Variants in PPP1R13B observed in about 807,000 individuals in gnomAD.
The protein encoded by PPP1R13B is protein phosphatase 1 regulatory subunit 13B, also known as apoptosis-stimulating of p53 protein 1.
PPP1R13B carries 44 observed loss-of-function variants against 119.8 expected under a neutral mutation model. The observed-to-expected ratio is 0.37, with a 90% confidence interval of 0.29 to 0.47. The LOEUF (loss-of-function observed/expected upper bound fraction) is 0.47, where lower values mean the gene tolerates loss of function less well. PPP1R13B is among the 20% of genes least tolerant of loss of function. The pLI is 0.99. For missense variants in PPP1R13B, 1,227 were observed against 1,413.5 expected (o/e 0.87, Z 2.12); for synonymous variants, 542 against 561.5 (o/e 0.97, Z 0.49).
intron 1 of PPP1R13B, among the ~76,000 whole-genome samples, chr14:103,827,371 G>A (rs1288179465): frequency 6.6e-6 from 1 of 152,016 alleles, no homozygotes; most frequent in African/African-American, 2.4e-5. Flanking sequence ...GGTGGAGAGT[G>A]GAATGTGAAA....
intron 1 of PPP1R13B, among the ~76,000 whole-genome samples, chr14:103,846,478 C>T (rs954711526): frequency 6.6e-6 from 1 of 152,206 alleles, no homozygotes; most frequent in African/African-American, 2.4e-5. Flanking sequence ...ATTTTACTTA[C>T]GATATAGGCG....
rs772002409 is a variant in PPP1R13B, at chr14:103,757,061, C to CT, written c.456+588dup. Among the ~76,000 whole-genome samples, 459 of 142,434 alleles carry CT rather than the reference C, an allele frequency of 3.2e-3. 1 individual carries two copies. Among genetic ancestry groups the CT allele is most frequent in the Non-Finnish European group, 5.1e-3 (328 of 64,662 alleles). 93.4% of individuals were successfully genotyped at this position (142,434 alleles called of 152,430 possible). On this transcript the variant is annotated intron_variant, in intron 5 of 16. Coordinates refer to ENST00000202556, the MANE Select transcript of PPP1R13B (RefSeq NM_015316.3). ...ACAGGAGTGAGCCACTGCACCCAGC[C>CT]TTTTTTTTTTTTTTTAATACAGGGT...
At chr14:103,826,171 T>C (rs1177482424) in intron 1 of PPP1R13B, among the ~76,000 whole-genome samples, 4 of 152,058 alleles carry the variant, frequency 2.6e-5, no homozygotes, top group African/African-American at 9.7e-5. Flanking sequence ...GCCACCACAC[T>C]CGGCCAAACA....
At position 103,768,280 on chromosome 14, in the gene PPP1R13B, T is replaced by A. The variant is rs1465456699; in HGVS notation, c.354+10465A>T. Among the ~76,000 whole-genome samples, 3 of 150,960 alleles carry A rather than the reference T, an allele frequency of 2.0e-5. No homozygotes were observed. The East Asian group carries it at 5.9e-4, about 30-fold the overall frequency. ...ACAGGCACCCATCACCACGCCCAGC[T>A]AATTTTTGTATTTTTATTATTATTA... On this transcript the variant is annotated intron_variant, in intron 4 of 16. Coordinates refer to ENST00000202556, the MANE Select transcript of PPP1R13B (RefSeq NM_015316.3).
At chr14:103,752,974 C>G (rs1299986380) in intron 7 of PPP1R13B, 26 bp downstream of exon 7, 10 of 1,599,356 alleles carry the variant, frequency 6.3e-6, no homozygotes, top group Non-Finnish European at 6.8e-6. Flanking sequence ...TGTTTTAATA[C>G]AACCATTGCC....
At chr14:103,787,755 G>A (rs1345659152) in intron 2 of PPP1R13B, among the ~76,000 whole-genome samples, 6 of 148,786 alleles carry the variant, frequency 4.0e-5, no homozygotes, top group East Asian at 2.0e-4. Context: ...CGGGTTTTAC[G>A]CCATTCTCCT....
chr14:103,771,552 C>T (rs961640234), intron 4 of PPP1R13B, among the ~76,000 whole-genome samples: 11 of 144,986 alleles, frequency 7.6e-5, no homozygotes, highest in African/African-American at 2.8e-4. Flanking sequence ...GTGATCTCAG[C>T]TCACTGCAAC....
At chr14:103,747,739 C>T (rs2084423278) in intron 8 of PPP1R13B, among the ~76,000 whole-genome samples, 1 of 152,184 alleles carries the variant, frequency 6.6e-6, no homozygotes, top group Non-Finnish European at 1.5e-5. Flanking sequence ...TTAGCTCCCA[C>T]TTATGAGTGA....
chr14:103,799,748 C>T lies in PPP1R13B; in HGVS notation c.10-2230G>A, dbSNP rs76076354. Among the ~76,000 whole-genome samples, 70 of 151,192 alleles carry T rather than the reference C, an allele frequency of 4.6e-4. No homozygotes were observed. In the East Asian group the frequency reaches 0.013, roughly 29 times the overall value. On this transcript the variant is annotated intron_variant, in intron 1 of 16. Coordinates refer to ENST00000202556, the MANE Select transcript of PPP1R13B (RefSeq NM_015316.3). ...TGAAAGAGATACTTTAAAAACAATA[C>T]ACCTAAAGTAAAAATTAGGCTAGGC... is the stretch of plus-strand genomic sequence containing the variant.
Position 103,797,402 on chromosome 14 carries a change from G to C in PPP1R13B, c.126C>G (p.Ser42Arg). 7 of 1,613,988 alleles carry C rather than the reference G, an allele frequency of 4.3e-6. No individual in the cohort carries two copies. Among genetic ancestry groups the C allele is most frequent in the Non-Finnish European group, 5.1e-6 (6 of 1,179,972 alleles). The part of the protein sequence containing the change: ...VEFCKEPGEG[S>R]CHLAEVWRGN... ...CCCTCCACACTTCAGCTAAATGGCA[G>C]CTGCCTTCTCCAGGTTCCTTGCAAA... Residue 42 changes from serine to arginine, a missense_variant, in exon 2 of 17, where the codon AGC becomes AGG. Physicochemically the swap from Ser to Arg is moderately radical, Grantham distance 110. Coordinates refer to ENST00000202556, the MANE Select transcript of PPP1R13B (RefSeq NM_015316.3).
At chr14:103,814,574 C>A (rs1183859912) in intron 1 of PPP1R13B, among the ~76,000 whole-genome samples, 2 of 151,862 alleles carry the variant, frequency 1.3e-5, no homozygotes, top group Non-Finnish European at 2.9e-5. Context: ...GAGGCTGAGG[C>A]AAAAGGATCA....
At chr14:103,808,915 C>G (rs562822931) in intron 1 of PPP1R13B, among the ~76,000 whole-genome samples, 1 of 152,060 alleles carries the variant, frequency 6.6e-6, no homozygotes, top group African/African-American at 2.4e-5. Flanking sequence ...GCTGCCCAGG[C>G]TGAGCGCAGC....
Position 103,738,942 on chromosome 14 carries a change from G to A in PPP1R13B, c.2674C>T (p.Leu892Phe), listed in dbSNP as rs1259598731. The A allele has an allele frequency of 1.2e-6, 2 of 1,614,140 alleles. No individual in the cohort carries two copies. The highest frequency in any genetic ancestry group is 1.7e-6 in the Non-Finnish European group (2 of 1,180,034). Residue 892 changes from leucine to phenylalanine, a missense_variant, in exon 13 of 17, where the codon CTC becomes TTC. Transcript: ENST00000202556. This position sits in a 1 kb window ranked among gnomAD's most constrained non-coding sequence, Gnocchi z 5.6. ...TCTCCTTCCAGAGACGCGTCTAGGA[G>A]CAGTGCCAGGGGGTTAAACCGGACT... ...LRVRFNPLAL[L>F]LDASLEGEFD...
At chr14:103,812,698 A>G (rs923557771) in intron 1 of PPP1R13B, among the ~76,000 whole-genome samples, 2 of 152,226 alleles carry the variant, frequency 1.3e-5, no homozygotes, top group African/African-American at 4.8e-5. Flanking sequence ...TACACGCGTG[A>G]GCCACCGCAC....
Position 103,826,881 on chromosome 14 carries a change from A to G in PPP1R13B, c.9+20418T>C, listed in dbSNP as rs558215692. Among the ~76,000 whole-genome samples the G allele has an allele frequency of 2.8e-3, 426 of 151,678 alleles. 3 individuals carry two copies. Among genetic ancestry groups the G allele is most frequent in the Non-Finnish European group, 4.8e-3 (328 of 67,896 alleles). ...AAAAAAATTAGCTGGGCGTGGTGGC[A>G]GGCGCCTGTAGTCCCAGCTACTGGG... is the stretch of plus-strand genomic sequence containing the variant. On this transcript the variant is annotated intron_variant, in intron 1 of 16. Coordinates refer to ENST00000202556, the MANE Select transcript of PPP1R13B (RefSeq NM_015316.3).
intron 1 of PPP1R13B, among the ~76,000 whole-genome samples, chr14:103,823,268 G>A (rs1205913243): frequency 6.6e-6 from 1 of 151,992 alleles, no homozygotes; most frequent in Non-Finnish European, 1.5e-5. Flanking sequence ...GAACCCAGGA[G>A]GCGGAGGTTG....
chr14:103,743,633 A>G (rs1652996411), intron 9 of PPP1R13B, among the ~76,000 whole-genome samples: 1 of 152,236 alleles, frequency 6.6e-6, no homozygotes, highest in Admixed American at 6.5e-5. Context: ...TATGGGACAG[A>G]CAGAAATCAG....
At chr14:103,787,633 T>A (rs2085502263) in intron 2 of PPP1R13B, among the ~76,000 whole-genome samples, 2 of 148,868 alleles carry the variant, frequency 1.3e-5, no homozygotes, top group Admixed American at 1.3e-4. Flanking sequence ...GGAAACACAG[T>A]GAGACTTAAT....
At chr14:103,784,767 A>C (rs2152025279) in intron 3 of PPP1R13B, 28 bp downstream of exon 3, 1 of 1,548,524 alleles carries the variant, frequency 6.5e-7, no homozygotes, top group East Asian at 2.3e-5. Context: ...GCAAAAATTA[A>C]CAAATGAGGA....
Sources: allele counts gnomAD v4.1 joint callset (sites outside exome capture counted in the v4.1 genomes callset), GRCh38; gene constraint gnomAD v4.1.1; non-coding constraint Gnocchi (gnomAD v3.1); transcripts MANE v1.5; gene names NCBI Gene and HGNC (gene_info 2026-07-23, HGNC 2026-07-21).